Variants in EVX1 observed in about 807,000 individuals in gnomAD.
EVX1 encodes even-skipped homeobox 1.
Under a neutral mutation model 28.6 loss-of-function variants are expected in EVX1, and 19 were observed. That is an observed-to-expected ratio of 0.67 (90% CI 0.46 to 0.98). The LOEUF (loss-of-function observed/expected upper bound fraction) is 0.98, where lower values mean the gene tolerates loss of function less well. EVX1 is among the 50% of genes least tolerant of loss of function. The pLI, the probability that EVX1 is intolerant of heterozygous loss-of-function variation, is 0.00. For missense variants in EVX1, 660 were observed against 583.0 expected, an observed-to-expected ratio of 1.13 and a Z score of -1.36; for synonymous variants, 324 against 278.2, an observed-to-expected ratio of 1.16 and a Z score of -1.64.
chr7:27,245,054 G>A lies in EVX1; in HGVS notation c.434G>A (p.Gly145Asp). The A allele has an allele frequency of 6.2e-7, 1 of 1,609,998 alleles. No individual in the cohort carries two copies. Among genetic ancestry groups the A allele is most frequent in the Non-Finnish European group, 8.5e-7 (1 of 1,179,668 alleles). The change falls in exon 2 of 3, where the codon GGC becomes GAC. Residue 145 changes from glycine (G) to aspartate (D), a missense_variant. Gly to Asp is a moderately conservative substitution (Grantham distance 94). Coordinates refer to ENST00000496902, the MANE Select transcript of EVX1 (RefSeq NM_001989.5). Reference protein sequence around the residue: ...NAEYQHSKGSGSEALVGSPNG... With the variant: ...NAEYQHSKGSDSEALVGSPNG... ...CTCTGGACTCGCTGTGCAGGGTCCG[G>A]CTCCGAGGCGCTGGTCGGCAGTCCG... is the stretch of plus-strand genomic sequence containing the variant.
At position 27,246,735 on chromosome 7, in the gene EVX1, A is replaced by C; in HGVS notation, c.*310A>C. 2.5e-6 allele frequency: 1 copy of C among 400,962 alleles called. No individual in the cohort carries two copies. The highest frequency in any genetic ancestry group is 4.4e-6 in the Non-Finnish European group (1 of 225,272). 24.8% of individuals were successfully genotyped at this position (400,962 alleles called of 1,614,324 possible). The stretch of plus-strand genomic sequence containing the variant: ...GGCTGTAGCTCCAAAGCTAAACAAA[A>C]CTTAGCAGCAACAGCAACCAATATC... On this transcript the variant is annotated 3_prime_UTR_variant, in exon 3 of 3. Transcript: ENST00000496902.
chr7:27,245,308 T>C lies in EVX1; in HGVS notation c.684+4T>C. The C allele has an allele frequency of 6.2e-7, 1 of 1,613,048 alleles. No homozygotes were observed. ...CCTGCCGGAAACCACCATCAAGGTATGCGGGGTCCAGGCTGGGGAGGCGGG... is the reference window on the plus strand; with the variant it reads ...CCTGCCGGAAACCACCATCAAGGTACGCGGGGTCCAGGCTGGGGAGGCGGG... On this transcript the variant is annotated splice_donor_region_variant and intron_variant, in intron 2 of 2. Coordinates refer to ENST00000496902, the MANE Select transcript of EVX1 (RefSeq NM_001989.5).
rs1460310634 is a variant in EVX1, at chr7:27,247,627, C to G, written c.*1202C>G. The G allele has an allele frequency of 6.6e-6, 1 of 152,200 alleles. No homozygotes were observed. The highest frequency in any genetic ancestry group is 2.4e-5 in the African/African-American group (1 of 41,422). 9.4% of individuals were successfully genotyped at this position (152,200 alleles called of 1,614,324 possible). On this transcript the variant is annotated 3_prime_UTR_variant, in exon 3 of 3. Coordinates refer to ENST00000496902, the MANE Select transcript of EVX1 (RefSeq NM_001989.5). Reference sequence around the variant, plus strand: ...TTAGAGCCACTCCCAAATCCTCACTCCCACACTCATCCTTGCAGCCAGTTT... The same window carrying G: ...TTAGAGCCACTCCCAAATCCTCACTGCCACACTCATCCTTGCAGCCAGTTT...
At position 27,243,252 on chromosome 7, in the gene EVX1, A is replaced by G. The variant is rs1429358903; in HGVS notation, c.222A>G (p.Ala74=). ...GPEEEPVDGL[A]GSAAGPGAEP... ...AGGAGGAGCCGGTAGATGGACTCGC[A>G]GGCAGCGCGGCGGGGCCGGGCGCCG... The change falls in exon 1 of 3, where the codon GCA becomes GCG. Residue 74 remains alanine (A), a synonymous_variant. Transcript: ENST00000496902. 1 of 1,546,492 alleles carries G rather than the reference A, an allele frequency of 6.5e-7. No homozygotes were observed. Among genetic ancestry groups the G allele is most frequent in the Middle Eastern group, 1.8e-4 (1 of 5,562 alleles).
In EVX1 at chr7:27,245,143, C is replaced by G. The variant is rs773310719; in HGVS notation, c.523C>G (p.Leu175Val). Reference protein sequence around the residue: ...GSGGGGSQGTLACSASDQMRR... With the variant: ...GSGGGGSQGTVACSASDQMRR... The stretch of plus-strand genomic sequence containing the variant: ...TGGTGGGGGCGGCTCGCAAGGCACC[C>G]TGGCGTGCAGCGCCAGTGACCAGAT... Residue 175 changes from leucine to valine, a missense_variant, in exon 2 of 3, where the codon CTG becomes GTG. Leu to Val is a conservative substitution (Grantham distance 32, BLOSUM62 1). Transcript: ENST00000496902. 1 of 1,613,224 alleles carries G rather than the reference C, an allele frequency of 6.2e-7. No homozygotes were observed. Among genetic ancestry groups the G allele is most frequent in the South Asian group, 1.1e-5 (1 of 91,086 alleles).
In EVX1 at chr7:27,245,929, T is replaced by C; in HGVS notation, c.728T>C (p.Leu243Pro). 1 of 1,611,712 alleles carries C rather than the reference T, an allele frequency of 6.2e-7. No individual in the cohort carries two copies. Residue 243 changes from leucine to proline, a missense_variant, in exon 3 of 3, where the codon CTG becomes CCG. By Grantham distance (98) the Leu-to-Pro change is moderately conservative. Coordinates refer to ENST00000496902, the MANE Select transcript of EVX1 (RefSeq NM_001989.5). ...CGCATGAAGGACAAGCGGCAGCGCC[T>C]GGCCATGACGTGGCCGCACCCGGCG... The part of the protein sequence containing the change: ...NRRMKDKRQR[L>P]AMTWPHPADP...
chr7:27,244,270 G>A (rs1457148574), intron 1 of EVX1, among the ~76,000 whole-genome samples: 1 of 152,144 alleles, frequency 6.6e-6, no homozygotes, highest in Non-Finnish European at 1.5e-5. Flanking sequence ...CCCCAGAAGG[G>A]GGTAGAAAAC....
rs1341193770 is a variant in EVX1, at chr7:27,243,092, G to C, written c.62G>C (p.Gly21Ala). The C allele has an allele frequency of 6.2e-7, 1 of 1,612,346 alleles. No individual in the cohort carries two copies. Among genetic ancestry groups the C allele is most frequent in the African/African-American group, 1.3e-5 (1 of 74,972 alleles). ...GGGGGTCAGCTTGGCACTCTGGTTG[G>C]CAAGAGAGTCTCAAATTTGTCCGAA... ...LDGGQLGTLVGKRVSNLSEAV... is the reference protein window; with the variant it reads ...LDGGQLGTLVAKRVSNLSEAV... The change falls in exon 1 of 3, where the codon GGC becomes GCC. Residue 21 changes from glycine to alanine, a missense_variant. By Grantham distance (60) the Gly-to-Ala change is moderately conservative (BLOSUM62 0). This residue lies in a region of EVX1 where 308 missense variants were observed against 256.6 expected (regional missense o/e 1.20). Transcript: ENST00000496902.
intron 1 of EVX1, chr7:27,244,618 A>G (rs1299772911): frequency 4.5e-6 from 2 of 442,346 alleles, no homozygotes; most frequent in Non-Finnish European, 6.2e-6. Context: ...CGTCACACAT[A>G]AGAGCAAGGA....
chr7:27,245,992 C>T lies in EVX1; in HGVS notation c.791C>T (p.Ala264Val), dbSNP rs1419948315. 6.2e-7 allele frequency: 1 copy of T among 1,601,978 alleles called. No homozygotes were observed. The highest frequency in any genetic ancestry group is 8.5e-7 in the Non-Finnish European group (1 of 1,179,648). ...AFYTYMMSHA[A>V]AAGGLPYPFP... ...TACACTTACATGATGAGCCATGCGG[C>T]GGCCGCGGGCGGCCTGCCCTACCCC... Residue 264 changes from alanine to valine, a missense_variant, in exon 3 of 3, where the codon GCG (alanine) becomes GTG (valine). Transcript: ENST00000496902.
chr7:27,243,126 C>T lies in EVX1; in HGVS notation c.96C>T (p.Gly32=). 1 of 1,610,092 alleles carries T rather than the reference C, an allele frequency of 6.2e-7. No individual in the cohort carries two copies. Among genetic ancestry groups the T allele is most frequent in the Non-Finnish European group, 8.5e-7 (1 of 1,178,312 alleles). ...TCTCAAATTTGTCCGAAGCCGTGGG[C>T]AGCCCGCTGCCGGAGCCGCCCGAGA... ...KRVSNLSEAV[G]SPLPEPPEKM... is the part of the protein sequence containing the mutation. Residue 32 remains glycine, a synonymous_variant, in exon 1 of 3, where the codon GGC becomes GGT. Coordinates refer to ENST00000496902, the MANE Select transcript of EVX1 (RefSeq NM_001989.5).
chr7:27,243,247 C>T lies in EVX1; in HGVS notation c.217C>T (p.Leu73Phe), dbSNP rs183219836. 1.7e-3 allele frequency: 2,701 copies of T among 1,547,400 alleles called. 8 individuals are homozygous for T. The highest frequency in any genetic ancestry group is 3.2e-3 in the South Asian group (267 of 84,306). ...CCCGGAGGAGGAGCCGGTAGATGGA[C>T]TCGCAGGCAGCGCGGCGGGGCCGGG... ...GGPEEEPVDG[L>F]AGSAAGPGAE... Residue 73 changes from leucine to phenylalanine, a missense_variant, in exon 1 of 3, where the codon CTC (leucine) becomes TTC (phenylalanine). Coordinates refer to ENST00000496902, the MANE Select transcript of EVX1 (RefSeq NM_001989.5).
rs990089566 is a variant in EVX1 at position 27,245,953 on chromosome 7, C to T, written c.752C>T (p.Ala251Val). Residue 251 changes from alanine to valine, a missense_variant, in exon 3 of 3, where the codon GCG (alanine) becomes GTG (valine). Physicochemically the swap from Ala to Val is moderately conservative, Grantham distance 64 (BLOSUM62 0). Transcript: ENST00000496902. ...CTGGCCATGACGTGGCCGCACCCGG[C>T]GGACCCCGCCTTCTACACTTACATG... ...QRLAMTWPHP[A>V]DPAFYTYMMS... is the part of the protein sequence containing the mutation. 1 of 1,609,438 alleles carries T rather than the reference C, an allele frequency of 6.2e-7. No individual in the cohort carries two copies. Among genetic ancestry groups the T allele is most frequent in the Non-Finnish European group, 8.5e-7 (1 of 1,179,830 alleles).
Position 27,243,028 on chromosome 7 carries a change from G to T in EVX1, c.-3G>T, listed in dbSNP as rs1373240257. ...TTCCCCTCCCCCACCGGAGAGCCCC[G>T]GGATGGAGAGCCGAAAGGACATGGT... On this transcript the variant is annotated 5_prime_UTR_variant, in exon 1 of 3. Coordinates refer to ENST00000496902, the MANE Select transcript of EVX1 (RefSeq NM_001989.5). The T allele has an allele frequency of 6.3e-7, 1 of 1,578,362 alleles. No individual in the cohort carries two copies. The highest frequency in any genetic ancestry group is 8.6e-7 in the Non-Finnish European group (1 of 1,161,942).
chr7:27,245,741 G>T, intron 2 of EVX1, 145 bp from the exon 3 acceptor site: 4 of 1,079,386 alleles, frequency 3.7e-6, no homozygotes, highest in African/African-American at 1.6e-5. Flanking sequence ...TCCAGGTGGT[G>T]GTGGTGGGGT....
chr7:27,244,423 T>C (rs1468436644), intron 1 of EVX1: 18 of 924,290 alleles, frequency 1.9e-5, no homozygotes, highest in Non-Finnish European at 2.3e-5. Context: ...CCTTGTTGAA[T>C]ACCTGCACCT....
chr7:27,244,935 C>T lies in EVX1; in HGVS notation c.428-113C>T, dbSNP rs1783129527. On this transcript the variant is annotated intron_variant, in intron 1 of 2. Transcript: ENST00000496902. ...CTAGCAGAAACAGTTACTGAGGTGGCTGACAGGGTGTCCCTTCCCAAATCA... is the reference window on the plus strand; with the variant it reads ...CTAGCAGAAACAGTTACTGAGGTGGTTGACAGGGTGTCCCTTCCCAAATCA... The T allele has an allele frequency of 4.1e-6, 6 of 1,469,856 alleles. No individual in the cohort carries two copies. In the South Asian group the frequency reaches 7.9e-5, roughly 19 times the overall value. 91.1% of individuals were successfully genotyped at this position (1,469,856 alleles called of 1,614,324 possible).
At chr7:27,244,121 A>G (rs1235061580) in intron 1 of EVX1, among the ~76,000 whole-genome samples, 1 of 152,216 alleles carries the variant, frequency 6.6e-6, no homozygotes, top group Non-Finnish European at 1.5e-5. Context: ...AAGGAGCTGC[A>G]GGGGGCTGGA....
rs945264700 is a variant in EVX1, at chr7:27,245,958, C to A, written c.757C>A (p.Pro253Thr). 6 of 1,595,320 alleles carry A rather than the reference C, an allele frequency of 3.8e-6. No individual in the cohort carries two copies. Among genetic ancestry groups the A allele is most frequent in the South Asian group, 1.1e-5 (1 of 89,502 alleles). Residue 253 changes from proline to threonine, a missense_variant, in exon 3 of 3, where the codon CCC becomes ACC. Pro to Thr is a conservative substitution (Grantham distance 38). Around this residue, in one of 3 missense-constraint regions of EVX1, gnomAD observed 299 missense variants for 241.3 expected, o/e 1.24. Transcript: ENST00000496902. Reference protein sequence around the residue: ...LAMTWPHPADPAFYTYMMSHA... With the variant: ...LAMTWPHPADTAFYTYMMSHA... ...CATGACGTGGCCGCACCCGGCGGACCCCGCCTTCTACACTTACATGATGAG... is the reference window on the plus strand; with the variant it reads ...CATGACGTGGCCGCACCCGGCGGACACCGCCTTCTACACTTACATGATGAG...
Sources: gnomAD v4.1 joint callset for allele counts (sites outside exome capture counted in the v4.1 genomes callset) on GRCh38, gnomAD v4.1.1 for gene constraint, gnomAD v4.1.1 regional missense constraint, MANE v1.5 for transcripts, NCBI Gene and HGNC (gene_info 2026-07-23, HGNC 2026-07-21) for gene names.